Variants in ZFAND3 observed in about 807,000 individuals in gnomAD.
ZFAND3 encodes the protein zinc finger AN1-type containing 3.
Under a neutral mutation model 29.6 loss-of-function variants are expected in ZFAND3, and 10 were observed. The ratio of observed to expected loss-of-function variants is 0.34; its 90% CI spans 0.21 to 0.57. ZFAND3 has a LOEUF of 0.57. ZFAND3 is among the 20% of genes least tolerant of loss of function. ZFAND3 has a pLI of 0.86. For synonymous variants in ZFAND3, 128 were observed against 112.6 expected, an observed-to-expected ratio of 1.14 and a Z score of -0.87; for missense variants, 230 against 304.5, an observed-to-expected ratio of 0.76 and a Z score of 1.82.
intron 4 of ZFAND3, among the ~76,000 whole-genome samples, chr6:38,085,286 T>C (rs1270211615): frequency 6.6e-6 from 1 of 152,194 alleles, no homozygotes; most frequent in African/African-American, 2.4e-5. Context: ...ATAATTACTT[T>C]ACAGTGGTGT....
intron 5 of ZFAND3, among the ~76,000 whole-genome samples, chr6:38,144,193 AT>A (rs1345677631): frequency 1.2e-4 from 5 of 40,430 alleles, no homozygotes; most frequent in African/African-American, 5.9e-4. Context: ...TAATATATAT[AT>A]ATATATATAT....
At position 37,819,838 on chromosome 6, in the gene ZFAND3, C is replaced by A; in HGVS notation, c.-108C>A. 2 of 616,844 alleles carry A rather than the reference C, an allele frequency of 3.2e-6. No homozygotes were observed. Among genetic ancestry groups the A allele is most frequent in the South Asian group, 7.1e-5 (1 of 13,994 alleles). The allele number at this position is 616,844 out of a possible 1,614,324, so 38.2% of individuals were successfully genotyped here. A position where few individuals can be genotyped will look rare whatever the true frequency, so the allele number is the denominator to read the frequency against. ...CCCGCGCGCCCGCTCCTTCCCCCTC[C>A]CCCCGCCCCGAGCCCCCCGACGCCG... On this transcript the variant is annotated 5_prime_UTR_variant, in exon 1 of 6. Coordinates refer to ENST00000287218, the MANE Select transcript of ZFAND3 (RefSeq NM_021943.3).
intron 2 of ZFAND3, among the ~76,000 whole-genome samples, chr6:38,031,810 C>T (rs1296188566): frequency 6.6e-6 from 1 of 152,036 alleles, no homozygotes; most frequent in African/African-American, 2.4e-5. Context: ...TAGACTCCAA[C>T]TTACAGTTTC....
At chr6:37,940,820 G>A (rs1300628541) in intron 2 of ZFAND3, among the ~76,000 whole-genome samples, 4 of 152,194 alleles carry the variant, frequency 2.6e-5, no homozygotes, top group South Asian at 4.1e-4. Context: ...TAAGACTTCC[G>A]GCTTGAAGAA....
intron 2 of ZFAND3, among the ~76,000 whole-genome samples, chr6:37,983,794 G>A (rs1192935361): frequency 6.6e-6 from 1 of 152,170 alleles, no homozygotes; most frequent in African/African-American, 2.4e-5. Flanking sequence ...CAGGTTTGTA[G>A]TCCAAGAGCT....
chr6:37,915,927 G>T (rs762917840), intron 1 of ZFAND3, among the ~76,000 whole-genome samples: 1 of 151,924 alleles, frequency 6.6e-6, no homozygotes, highest in Non-Finnish European at 1.5e-5. Context: ...GTGCCACCAC[G>T]CCCAGCTAAT....
chr6:38,140,645 A>C (rs946291925), intron 5 of ZFAND3, among the ~76,000 whole-genome samples: 2 of 152,164 alleles, frequency 1.3e-5, no homozygotes, highest in African/African-American at 4.8e-5. Flanking sequence ...ATGAGCCACC[A>C]TGCCCAGCTG....
At chr6:38,026,323 CACTA>C in intron 2 of ZFAND3, among the ~76,000 whole-genome samples, 1 of 151,448 alleles carries the variant, frequency 6.6e-6, no homozygotes, top group Non-Finnish European at 1.5e-5. Context: ...ATCAGGAAAA[CACTA>C]ACTATATAAG....
chr6:38,012,612 C>T (rs1003111596), intron 2 of ZFAND3, among the ~76,000 whole-genome samples: 3 of 152,094 alleles, frequency 2.0e-5, no homozygotes, highest in South Asian at 4.1e-4. Flanking sequence ...CTCCTGACCT[C>T]GTGATCCAGC....
intron 2 of ZFAND3, among the ~76,000 whole-genome samples, chr6:37,965,297 C>G (rs1762273868): frequency 6.6e-6 from 1 of 152,022 alleles, no homozygotes; most frequent in Admixed American, 6.6e-5. Flanking sequence ...TTTTTTAGAC[C>G]AGTAACAATT....
intron 1 of ZFAND3, among the ~76,000 whole-genome samples, chr6:37,834,442 A>G (rs1205758159): frequency 2.0e-5 from 3 of 152,206 alleles, no homozygotes; most frequent in Non-Finnish European, 4.4e-5. Flanking sequence ...GCAATTATGA[A>G]TAAGGCTGCT....
intron 1 of ZFAND3, among the ~76,000 whole-genome samples, chr6:37,825,923 G>A (rs1439601891): frequency 6.6e-6 from 1 of 152,136 alleles, no homozygotes; most frequent in African/African-American, 2.4e-5. Context: ...TTAGGTCATA[G>A]GGAGGTTCTG....
chr6:37,970,664 G>A (rs1409224213), intron 2 of ZFAND3, among the ~76,000 whole-genome samples: 1 of 152,204 alleles, frequency 6.6e-6, no homozygotes, highest in African/African-American at 2.4e-5. Context: ...AGCACTTTGG[G>A]AGGCCAAGAT....
intron 2 of ZFAND3, among the ~76,000 whole-genome samples, chr6:37,962,626 C>A (rs1216367203): frequency 6.6e-6 from 1 of 151,948 alleles, no homozygotes; most frequent in Non-Finnish European, 1.5e-5. Flanking sequence ...TCTGTAAAAA[C>A]GCACCAATCA....
In ZFAND3 at chr6:38,093,815, A is replaced by G. The variant is rs1040389894; in HGVS notation, c.361+11358A>G. 6.6e-5 allele frequency among the ~76,000 whole-genome samples: 10 copies of G among 152,322 alleles called. No individual in the cohort carries two copies. In the East Asian group the frequency reaches 1.5e-3, roughly 23 times the overall value. On this transcript the variant is annotated intron_variant, in intron 4 of 5. Coordinates refer to ENST00000287218, the MANE Select transcript of ZFAND3 (RefSeq NM_021943.3). Reference sequence around the variant, plus strand: ...CATTATGGAGTTAATTGAACCATTAAAAACTAGCAAATAGTGGTGGTTGGA... The same window carrying G: ...CATTATGGAGTTAATTGAACCATTAGAAACTAGCAAATAGTGGTGGTTGGA...
chr6:38,076,333 T>A (rs1289045495), intron 3 of ZFAND3, among the ~76,000 whole-genome samples: 1 of 152,174 alleles, frequency 6.6e-6, no homozygotes, highest in Admixed American at 6.5e-5. Flanking sequence ...GCCAAAAAAT[T>A]TGTGCAACTC....
At chr6:37,974,308 C>T (rs1762439442) in intron 2 of ZFAND3, among the ~76,000 whole-genome samples, 1 of 151,976 alleles carries the variant, frequency 6.6e-6, no homozygotes, top group Non-Finnish European at 1.5e-5. Flanking sequence ...AAGTGATCTG[C>T]CCTCCTCGGC....
At chr6:38,002,622 G>A (rs544635549) in intron 2 of ZFAND3, among the ~76,000 whole-genome samples, 9 of 152,108 alleles carry the variant, frequency 5.9e-5, no homozygotes, top group Non-Finnish European at 1.2e-4. Context: ...GGTTGCAATT[G>A]CCACTGCACT....
chr6:37,893,061 G>A (rs774735413), intron 1 of ZFAND3, among the ~76,000 whole-genome samples: 1 of 151,756 alleles, frequency 6.6e-6, no homozygotes, highest in East Asian at 1.9e-4. Context: ...ACACACGCAT[G>A]CACACACACA....
Sources: gnomAD v4.1 joint callset for allele counts (sites outside exome capture counted in the v4.1 genomes callset) on GRCh38, gnomAD v4.1.1 for gene constraint, MANE v1.5 for transcripts, NCBI Gene and HGNC (gene_info 2026-07-23, HGNC 2026-07-21) for gene names.